Variants in SUCLG2 observed in about 807,000 individuals in gnomAD.
The protein encoded by SUCLG2 is succinate--CoA ligase [GDP-forming] subunit beta, mitochondrial.
In SUCLG2, 42 loss-of-function variants were observed where a neutral mutation model predicts 47.9. The ratio of observed to expected loss-of-function variants is 0.88; its 90% CI spans 0.69 to 1.14. The LOEUF is 1.14. Ranked by LOEUF, SUCLG2 falls within the 50% of genes most tolerant of loss-of-function variation. The probability of loss-of-function intolerance (pLI) is 0.00; values close to 1 mark genes in which losing one functional copy is unlikely to be tolerated. For synonymous variants in SUCLG2, 195 were observed against 197.3 expected, an observed-to-expected ratio of 0.99 and a Z score of 0.10; for missense variants, 571 against 525.9, an observed-to-expected ratio of 1.09 and a Z score of -0.84.
intron 9 of SUCLG2, among the ~76,000 whole-genome samples, chr3:67,439,390 C>A (rs1362160292): frequency 2.0e-5 from 3 of 152,134 alleles, no homozygotes; most frequent in Non-Finnish European, 2.9e-5. Flanking sequence ...CCGGCCAGGG[C>A]AATCAGGCAA....
intron 10 of SUCLG2, among the ~76,000 whole-genome samples, chr3:67,391,885 A>T (rs1415182725): frequency 2.0e-5 from 3 of 151,996 alleles, no homozygotes; most frequent in African/African-American, 4.8e-5. Context: ...TCCATCTTCT[A>T]TTCTTTACTC....
chr3:67,577,779 G>A (rs1575791198), intron 2 of SUCLG2, among the ~76,000 whole-genome samples: 2 of 152,086 alleles, frequency 1.3e-5, no homozygotes, highest in African/African-American at 2.4e-5. Context: ...CACCCCTACT[G>A]TAAAGGGGCA....
intron 10 of SUCLG2, among the ~76,000 whole-genome samples, chr3:67,396,525 A>T (rs1234719576): frequency 6.6e-6 from 1 of 152,200 alleles, no homozygotes; most frequent in Non-Finnish European, 1.5e-5. Flanking sequence ...TTGTGGCAAT[A>T]ATCAATAGCT....
intron 9 of SUCLG2, among the ~76,000 whole-genome samples, chr3:67,469,554 C>G (rs1704553393): frequency 6.7e-6 from 1 of 150,356 alleles, no homozygotes. Flanking sequence ...ATGGTGAAAC[C>G]CCGTCTCTAC....
At chr3:67,578,376 C>G (rs962134747) in intron 2 of SUCLG2, among the ~76,000 whole-genome samples, 1 of 151,180 alleles carries the variant, frequency 6.6e-6, no homozygotes, top group Non-Finnish European at 1.5e-5. Flanking sequence ...CAAGAGTAAG[C>G]TGGTGCCTGC....
chr3:67,569,162 T>C (rs1707546202), intron 2 of SUCLG2, among the ~76,000 whole-genome samples: 1 of 152,202 alleles, frequency 6.6e-6, no homozygotes, highest in Non-Finnish European at 1.5e-5. Flanking sequence ...ACTCAGTAAT[T>C]TCCTGCAAGA....
chr3:67,494,330 A>T (rs1705276553), intron 9 of SUCLG2, among the ~76,000 whole-genome samples: 1 of 152,242 alleles, frequency 6.6e-6, no homozygotes, highest in Admixed American at 6.5e-5. Context: ...ATATTGAGAC[A>T]ATGATTCTCA....
Position 67,476,091 on chromosome 3 carries a change from G to A in SUCLG2, c.1062+19707C>T, listed in dbSNP as rs1704747215. 3.3e-5 allele frequency among the ~76,000 whole-genome samples: 5 copies of A among 151,312 alleles called. No homozygotes were observed. The South Asian group carries it at 1.0e-3, about 32-fold the overall frequency. ...TGTGTAACTAATTTATAAACACAAT[G>A]TTAACCTTTAATGTTTTATATGTTG... On this transcript the variant is annotated intron_variant, in intron 9 of 10. Coordinates refer to ENST00000307227, the MANE Select transcript of SUCLG2 (RefSeq NM_003848.4).
chr3:67,486,197 C>T (rs926943106), intron 9 of SUCLG2, among the ~76,000 whole-genome samples: 1 of 151,814 alleles, frequency 6.6e-6, no homozygotes, highest in African/African-American at 2.4e-5. Flanking sequence ...CCCAGGAGGC[C>T]GAGGCTGCAG....
At chr3:67,512,069 T>C (rs748563070) in intron 6 of SUCLG2, among the ~76,000 whole-genome samples, 1 of 151,146 alleles carries the variant, frequency 6.6e-6, no homozygotes, top group Non-Finnish European at 1.5e-5. Context: ...TTACCCAGGC[T>C]GCTCTTGAAT....
intron 1 of SUCLG2, among the ~76,000 whole-genome samples, chr3:67,640,619 T>C (rs931807734): frequency 6.6e-6 from 1 of 152,192 alleles, no homozygotes; most frequent in Non-Finnish European, 1.5e-5. Flanking sequence ...GAGCATTCCA[T>C]GGAATATTAT....
chr3:67,625,338 A>G (rs1359886442), intron 1 of SUCLG2, among the ~76,000 whole-genome samples: 2 of 152,178 alleles, frequency 1.3e-5, no homozygotes, highest in African/African-American at 4.8e-5. Context: ...CCATGACCTT[A>G]CAAGTTTGCT....
chr3:67,493,455 C>A (rs1464856554), intron 9 of SUCLG2, among the ~76,000 whole-genome samples: 1 of 152,040 alleles, frequency 6.6e-6, no homozygotes, highest in South Asian at 2.1e-4. Flanking sequence ...TCCATAAAGT[C>A]AAAATTTTGG....
At chr3:67,498,363 T>C (rs191085348) in intron 7 of SUCLG2, 68 bp from the exon 8 acceptor site, 482 of 1,538,858 alleles carry the variant, frequency 3.1e-4, no homozygotes, top group South Asian at 2.0e-3. Flanking sequence ...TTCTTCAGGC[T>C]GGTAGGCACA....
chr3:67,569,567 T>G (rs903125127), intron 2 of SUCLG2, among the ~76,000 whole-genome samples: 9 of 152,230 alleles, frequency 5.9e-5, no homozygotes, highest in African/African-American at 2.2e-4. Flanking sequence ...TACAATGGAC[T>G]TTGTCCTGCT....
chr3:67,542,760 CAAG>C (rs1373462169), intron 2 of SUCLG2, among the ~76,000 whole-genome samples: 1 of 152,138 alleles, frequency 6.6e-6, no homozygotes, highest in African/African-American at 2.4e-5. Flanking sequence ...ACCAATGCAA[CAAG>C]AAGAGCTAAC....
At chr3:67,425,572 CT>C (rs1465952947) in intron 9 of SUCLG2, among the ~76,000 whole-genome samples, 4 of 152,174 alleles carry the variant, frequency 2.6e-5, no homozygotes, top group Admixed American at 6.5e-5. Flanking sequence ...GATTATTTAG[CT>C]GGGGCATCTT....
At chr3:67,572,498 A>G (rs1707641026) in intron 2 of SUCLG2, among the ~76,000 whole-genome samples, 1 of 152,224 alleles carries the variant, frequency 6.6e-6, no homozygotes, top group Non-Finnish European at 1.5e-5. Context: ...TGTTCTTACA[A>G]ACATATATGC....
chr3:67,486,414 C>G (rs1476282877), intron 9 of SUCLG2, among the ~76,000 whole-genome samples: 1 of 152,208 alleles, frequency 6.6e-6, no homozygotes, highest in African/African-American at 2.4e-5. Flanking sequence ...TAGTTATGGT[C>G]TATACAGTCA....
Sources: allele counts gnomAD v4.1 joint callset (sites outside exome capture counted in the v4.1 genomes callset), GRCh38; gene constraint gnomAD v4.1.1; transcripts MANE v1.5; gene names NCBI Gene and HGNC (gene_info 2026-07-23, HGNC 2026-07-21).